TCF12: variants seen among roughly 807,000 people sequenced by gnomAD.
TCF12 encodes the protein transcription factor 12, also known as DNA-binding protein HTF4.
TCF12 carries 45 observed loss-of-function variants against 86.0 expected under a neutral mutation model. That is an observed-to-expected ratio of 0.52 (90% CI 0.41 to 0.67). TCF12 has a LOEUF of 0.67. TCF12 is among the 30% of genes least tolerant of loss of function. The pLI, the probability that TCF12 is intolerant of heterozygous loss-of-function variation, is 0.00. For missense variants in TCF12, 881 were observed against 859.9 expected (o/e 1.02, Z -0.31); for synonymous variants, 330 against 299.6 (o/e 1.10, Z -1.05).
intron 4 of TCF12, among the ~76,000 whole-genome samples, chr15:57,076,213 A>G (rs1291313003): frequency 6.6e-6 from 1 of 152,066 alleles, no homozygotes; most frequent in Non-Finnish European, 1.5e-5. Context: ...TAGTTTCTCA[A>G]ACTGGCCTTC....
At chr15:57,165,148 G>GTGTT (rs1450421054) in intron 5 of TCF12, among the ~76,000 whole-genome samples, 1 of 149,276 alleles carries the variant, frequency 6.7e-6, no homozygotes, top group Non-Finnish European at 1.5e-5. Context: ...GTGTGTGTGT[G>GTGTT]TGTGTGTGTG....
intron 4 of TCF12, among the ~76,000 whole-genome samples, chr15:57,089,246 AT>A (rs1343989459): frequency 6.6e-6 from 1 of 152,238 alleles, no homozygotes; most frequent in Non-Finnish European, 1.5e-5. Flanking sequence ...TGGGGAAAAT[AT>A]CTAATTTTCA....
chr15:57,056,046 C>T (rs2067993070), intron 3 of TCF12, among the ~76,000 whole-genome samples: 1 of 151,892 alleles, frequency 6.6e-6, no homozygotes, highest in African/African-American at 2.4e-5. Context: ...ACTGTTACCC[C>T]TGTTATCTCC....
chr15:56,943,221 C>T (rs1391364062), intron 3 of TCF12, among the ~76,000 whole-genome samples: 6 of 152,082 alleles, frequency 3.9e-5, no homozygotes, highest in Admixed American at 1.3e-4. Context: ...TAGGGGATCA[C>T]TATGTGAAGG....
chr15:57,208,341 A>G (rs1317770874), intron 8 of TCF12, among the ~76,000 whole-genome samples: 2 of 146,094 alleles, frequency 1.4e-5, no homozygotes, highest in South Asian at 2.1e-4. Context: ...CAAGATTCTT[A>G]TAGTCAAAAG....
At chr15:57,211,966 GCA>G (rs1566923230) in intron 8 of TCF12, among the ~76,000 whole-genome samples, 1 of 140,906 alleles carries the variant, frequency 7.1e-6, no homozygotes, top group South Asian at 2.3e-4. Context: ...ACACACACAC[GCA>G]CACACACACA....
chr15:57,006,674 T>C (rs1172796440), intron 3 of TCF12, among the ~76,000 whole-genome samples: 1 of 152,008 alleles, frequency 6.6e-6, no homozygotes, highest in Non-Finnish European at 1.5e-5. Flanking sequence ...CCCAGCACTT[T>C]GGGAAGCTGA....
At chr15:57,003,307 A>AT (rs1484181779) in intron 3 of TCF12, among the ~76,000 whole-genome samples, 7 of 152,164 alleles carry the variant, frequency 4.6e-5, no homozygotes, top group African/African-American at 1.7e-4. Flanking sequence ...TGGTCACAGC[A>AT]TTTTTGTTAA....
At chr15:57,045,881 C>T (rs544211376) in intron 3 of TCF12, among the ~76,000 whole-genome samples, 47 of 152,180 alleles carry the variant, frequency 3.1e-4, no homozygotes, top group African/African-American at 1.1e-3. Context: ...CTATTAGCTC[C>T]GGCAGGCTGT....
intron 3 of TCF12, among the ~76,000 whole-genome samples, chr15:56,977,040 G>A (rs1331767021): frequency 1.3e-5 from 2 of 152,122 alleles, no homozygotes; most frequent in African/African-American, 4.8e-5. Context: ...TGCTGATTTA[G>A]AACATTTCCA....
In TCF12 at chr15:57,008,790, A is replaced by G. The variant is rs138417812; in HGVS notation, c.149-54960A>G. 4.1e-4 allele frequency among the ~76,000 whole-genome samples: 62 copies of G among 152,332 alleles called. 1 individual carries two copies. In the East Asian group the frequency reaches 0.011, roughly 27 times the overall value. ...TTATTGGTTGCTCTCTAGTGACAGT[A>G]TACTTTAAATTGAACATAAAGCAAA... On this transcript the variant is annotated intron_variant, in intron 3 of 20. Coordinates refer to ENST00000333725, the MANE Select transcript of TCF12 (RefSeq NM_207037.2).
chr15:57,140,050 A>G (rs1408821739), intron 5 of TCF12, among the ~76,000 whole-genome samples: 1 of 152,232 alleles, frequency 6.6e-6, no homozygotes, highest in African/African-American at 2.4e-5. Flanking sequence ...TATTACTTCC[A>G]GGTACATACC....
intron 20 of TCF12, among the ~76,000 whole-genome samples, 151 bp from the exon 21 acceptor site, chr15:57,286,006 A>G (rs1489711123): frequency 3.9e-5 from 6 of 152,232 alleles, no homozygotes; most frequent in Non-Finnish European, 8.8e-5. Flanking sequence ...AAAGTTCATT[A>G]AGTCACTTAG....
At chr15:57,105,515 C>A (rs554054697) in intron 5 of TCF12, among the ~76,000 whole-genome samples, 1 of 152,080 alleles carries the variant, frequency 6.6e-6, no homozygotes, top group Non-Finnish European at 1.5e-5. Flanking sequence ...CAGGTTCAAG[C>A]GATTCTCCTG....
Position 56,921,048 on chromosome 15 carries a change from G to A in TCF12, c.98G>A (p.Ser33Asn). ...CAGATGTTTTCCCCACCTGTTAATAGTGGGAAAACTAGACCAACTACACTG... is the reference window on the plus strand; with the variant it reads ...CAGATGTTTTCCCCACCTGTTAATAATGGGAAAACTAGACCAACTACACTG... ...FSAMFSPPVN[S>N]GKTRPTTLGS... Residue 33 changes from serine to asparagine, a missense_variant, in exon 3 of 21, where the codon AGT becomes AAT. Physicochemically the swap from Ser to Asn is conservative, Grantham distance 46. Transcript: ENST00000333725. 1.2e-6 allele frequency: 2 copies of A among 1,605,218 alleles called. No individual in the cohort carries two copies. The highest frequency in any genetic ancestry group is 1.7e-6 in the Non-Finnish European group (2 of 1,175,132).
rs569774081 is a variant in TCF12 at position 57,157,149 on chromosome 15, T to G, written c.326-9253T>G. Among the ~76,000 whole-genome samples, 4 of 152,356 alleles carry G rather than the reference T, an allele frequency of 2.6e-5. No homozygotes were observed. The South Asian group carries it at 6.2e-4, about 24-fold the overall frequency. The stretch of plus-strand genomic sequence containing the variant: ...AGGGTTAAGGCATTGAATGATTATC[T>G]CAGTTTATGTAGTCCTTAGAAAGTT... On this transcript the variant is annotated intron_variant, in intron 5 of 20. Coordinates refer to ENST00000333725, the MANE Select transcript of TCF12 (RefSeq NM_207037.2).
intron 3 of TCF12, among the ~76,000 whole-genome samples, chr15:57,048,927 C>T (rs1330470598): frequency 6.6e-6 from 1 of 152,088 alleles, no homozygotes; most frequent in African/African-American, 2.4e-5. Context: ...GTAGAAGATA[C>T]AATGGAGGGC....
At chr15:57,020,807 A>T (rs1234406798) in intron 3 of TCF12, among the ~76,000 whole-genome samples, 1 of 152,194 alleles carries the variant, frequency 6.6e-6, no homozygotes. Context: ...TTAGTTAATC[A>T]GGGAAGACTT....
chr15:57,238,429 A>G (rs2059467555), intron 12 of TCF12, among the ~76,000 whole-genome samples: 1 of 152,224 alleles, frequency 6.6e-6, no homozygotes, highest in Non-Finnish European at 1.5e-5. Context: ...TCAAAAGCCC[A>G]TGCCTACCTA....
Sources: gnomAD v4.1 joint callset for allele counts (sites outside exome capture counted in the v4.1 genomes callset) on GRCh38, gnomAD v4.1.1 for gene constraint, MANE v1.5 for transcripts, NCBI Gene and HGNC (gene_info 2026-07-23, HGNC 2026-07-21) for gene names.